MAGEA11: variants seen among roughly 807,000 people sequenced by gnomAD.
MAGEA11 encodes the protein melanoma-associated antigen 11.
In MAGEA11, 1 loss-of-function variant was observed where a neutral mutation model predicts 8.4. The ratio of observed to expected loss-of-function variants is 0.12; its 90% CI spans 0.04 to 0.57. MAGEA11 has a LOEUF of 0.57. Among genes scored for constraint, MAGEA11 ranks in the 20% least tolerant of loss-of-function variants. The probability of loss-of-function intolerance (pLI) is 0.91; values close to 1 mark genes in which losing one functional copy is unlikely to be tolerated. For synonymous variants in MAGEA11, 127 were observed against 119.3 expected (o/e 1.06, Z -0.42); for missense variants, 209 against 317.3 (o/e 0.66, Z 2.59).
intron 1 of MAGEA11, among the ~76,000 whole-genome samples, chrX:149,696,864 G>A (rs1379713519): frequency 8.9e-6 from 1 of 111,932 alleles, no homozygotes; most frequent in Non-Finnish European, 1.9e-5. Flanking sequence ...CGGGCAGGTC[G>A]AAGCTGACAC....
chrX:149,696,728 G>A (rs782425924), intron 1 of MAGEA11, among the ~76,000 whole-genome samples: 6 of 111,343 alleles, frequency 5.4e-5, no homozygotes, highest in African/African-American at 1.3e-4. Flanking sequence ...ACTGATCCCC[G>A]CAGAAGGAGT....
chrX:149,704,539 A>G (rs1315837927), intron 1 of MAGEA11, among the ~76,000 whole-genome samples: 1 of 112,473 alleles, frequency 8.9e-6, no homozygotes, highest in Non-Finnish European at 1.9e-5. Context: ...GGGATCCCAG[A>G]GATAAATCAA....
At chrX:149,689,505 G>A (rs1308674817) in intron 1 of MAGEA11, among the ~76,000 whole-genome samples, 1 of 112,351 alleles carries the variant, frequency 8.9e-6, no homozygotes, top group African/African-American at 3.2e-5. Context: ...AGAAGGCAGA[G>A]CAGTCTGGCT....
chrX:149,710,434 G>C (rs1168523645), upstream of MAGEA11, among the ~76,000 whole-genome samples: 2 of 111,198 alleles, frequency 1.8e-5, no homozygotes, highest in African/African-American at 6.5e-5. Flanking sequence ...GCATCTGTTG[G>C]TTTTTGATTG....
chrX:149,714,277 G>T, intron 2 of MAGEA11: 1 of 525,349 alleles, frequency 1.9e-6, no homozygotes, highest in Non-Finnish European at 3.0e-6. Flanking sequence ...ATGAGGTCTT[G>T]GTGTAAAGGG....
chrX:149,688,822 T>C, upstream of MAGEA11: 1 of 372,695 alleles, frequency 2.7e-6, no homozygotes, highest in South Asian at 2.8e-5. Context: ...GTAGTAATCC[T>C]GTGCACTCTC....
chrX:149,699,865 A>T (rs1476043069), intron 1 of MAGEA11, among the ~76,000 whole-genome samples: 1 of 112,508 alleles, frequency 8.9e-6, no homozygotes, highest in Non-Finnish European at 1.9e-5. Flanking sequence ...TGCAGGCCTA[A>T]CAGGAAGCAT....
intron 1 of MAGEA11, among the ~76,000 whole-genome samples, chrX:149,696,039 T>C (rs1038439224): frequency 2.7e-5 from 3 of 110,484 alleles, no homozygotes; most frequent in Non-Finnish European, 5.7e-5. Flanking sequence ...CTCCTGTGAA[T>C]CTTGTTGATA....
rs782658055 is a variant in MAGEA11, at chrX:149,714,483, G to A, written c.99G>A (p.Val33=). 7.9e-5 allele frequency: 95 copies of A among 1,208,974 alleles called. No individual in the cohort carries two copies. Among genetic ancestry groups the A allele is most frequent in the Non-Finnish European group, 1.0e-4 (93 of 894,695 alleles). The part of the protein sequence containing the change: ...REDSGDFGLQ[V]STMFSEDDFQ... ...TTCTGTTTTGGAATCTTGGGCAGGT[G>A]AGCACTATGTTCTCAGAGGACGACT... is the stretch of plus-strand genomic sequence containing the variant. Residue 33 remains valine (V), a splice_region_variant and synonymous_variant, in exon 3 of 5, where the codon GTG becomes GTA. Coordinates refer to ENST00000355220, the MANE Select transcript of MAGEA11 (RefSeq NM_005366.5).
chrX:149,701,503 C>T (rs1182794713), intron 1 of MAGEA11, among the ~76,000 whole-genome samples: 1 of 108,160 alleles, frequency 9.2e-6, no homozygotes, highest in East Asian at 2.9e-4. Context: ...AAATTTTCTC[C>T]CATTTTGTAG....
intron 2 of MAGEA11, 176 bp from the exon 3 acceptor site, chrX:149,714,305 A>G (rs2090416382): frequency 1.6e-6 from 1 of 643,638 alleles, no homozygotes; most frequent in Non-Finnish European, 2.3e-6. Flanking sequence ...TGCTCATCTC[A>G]GGGGTTGGGA....
chrX:149,714,805 TG>T (rs1380039444), intron 3 of MAGEA11, among the ~76,000 whole-genome samples: 1 of 111,738 alleles, frequency 8.9e-6, no homozygotes, highest in Non-Finnish European at 1.9e-5. Context: ...AGAATCAAGG[TG>T]GGGGCTGACG....
At chrX:149,696,720 T>C (rs1287490015) in intron 1 of MAGEA11, among the ~76,000 whole-genome samples, 1 of 111,441 alleles carries the variant, frequency 9.0e-6, no homozygotes, top group African/African-American at 3.3e-5. Context: ...GCCATCTGAC[T>C]GATCCCCGCA....
At chrX:149,692,693 A>G (rs782486959) in intron 1 of MAGEA11, among the ~76,000 whole-genome samples, 3 of 111,704 alleles carry the variant, frequency 2.7e-5, no homozygotes, top group Admixed American at 9.5e-5. Context: ...TTTTTCCACT[A>G]TATTCTTTAA....
intron 1 of MAGEA11, among the ~76,000 whole-genome samples, chrX:149,699,938 T>C (rs782037875): frequency 2.1e-3 from 230 of 111,939 alleles, no homozygotes; most frequent in African/African-American, 7.0e-3. Flanking sequence ...AGGCACCTTC[T>C]TCATAAGGCT....
At chrX:149,704,920 C>T (rs2090370214) in intron 1 of MAGEA11, among the ~76,000 whole-genome samples, 1 of 113,025 alleles carries the variant, frequency 8.8e-6, no homozygotes, top group Non-Finnish European at 1.9e-5. Flanking sequence ...TGGACTCTCA[C>T]TGCATCCACG....
chrX:149,709,690 T>G (rs782231184), upstream of MAGEA11, among the ~76,000 whole-genome samples: 1 of 112,413 alleles, frequency 8.9e-6, no homozygotes, highest in East Asian at 2.8e-4. Flanking sequence ...CATTAAAATA[T>G]ACCTTCAGTG....
At chrX:149,715,491 C>T in intron 3 of MAGEA11, 113 bp from the exon 4 acceptor site, 1 of 513,428 alleles carries the variant, frequency 1.9e-6, no homozygotes, top group South Asian at 2.9e-5. Context: ...CCACCTGCCC[C>T]AGTACAGAAA....
chrX:149,712,035 G>A, upstream of MAGEA11: 1 of 752,339 alleles, frequency 1.3e-6, no homozygotes, highest in Non-Finnish European at 1.6e-6. Flanking sequence ...GGAAGCTCCA[G>A]GCGTGGGGGC....
Sources: allele counts gnomAD v4.1 joint callset (sites outside exome capture counted in the v4.1 genomes callset), GRCh38; gene constraint gnomAD v4.1.1; transcripts MANE v1.5; gene names NCBI Gene and HGNC (gene_info 2026-07-23, HGNC 2026-07-21).